The following DYNC2H1 variants were observed in gnomAD, a reference collection of about 807,000 sequenced individuals.
The protein encoded by DYNC2H1 is dynein cytoplasmic 2 heavy chain 1, also known as cytoplasmic dynein 2 heavy chain 1.
DYNC2H1 carries 410 observed loss-of-function variants against 570.0 expected under a neutral mutation model. That is an observed-to-expected ratio of 0.72 (90% CI 0.66 to 0.78). DYNC2H1 has a LOEUF of 0.78. DYNC2H1 is among the 30% of genes least tolerant of loss of function. The pLI, the probability that DYNC2H1 is intolerant of heterozygous loss-of-function variation, is 0.00. For missense variants in DYNC2H1, 4,865 were observed against 5,046.4 expected (o/e 0.96, Z 1.09); for synonymous variants, 1,688 against 1,677.6 (o/e 1.01, Z -0.15).
intron 83 of DYNC2H1, among the ~76,000 whole-genome samples, chr11:103,372,876 T>C (rs1941229513): frequency 6.6e-6 from 1 of 152,222 alleles, no homozygotes; most frequent in Non-Finnish European, 1.5e-5. Context: ...GGTCCTGAGC[T>C]GTTCTTTGAA....
chr11:103,217,635 A>C (rs1188677569), intron 55 of DYNC2H1, among the ~76,000 whole-genome samples: 1 of 152,180 alleles, frequency 6.6e-6, no homozygotes, highest in East Asian at 1.9e-4. Flanking sequence ...AAAACTTAGA[A>C]GAAAACACAG....
rs915210022 is a variant in DYNC2H1 at position 103,305,288 on chromosome 11, T to C, written c.11382+568T>C. On this transcript the variant is annotated intron_variant, in intron 77 of 88. Coordinates refer to ENST00000375735, the MANE Select transcript of DYNC2H1 (RefSeq NM_001377.3). This position sits in a 1 kb window ranked among gnomAD's most constrained non-coding sequence, Gnocchi z 4.3. ...GAAGAGATATTCCTTGAAAGTCAAA[T>C]AGGATTTTGCTAAGTATAGGCAAAG... 1.3e-5 allele frequency among the ~76,000 whole-genome samples: 2 copies of C among 152,146 alleles called. No homozygotes were observed. Among genetic ancestry groups the C allele is most frequent in the African/African-American group, 4.8e-5 (2 of 41,436 alleles).
At chr11:103,362,121 T>A (rs1386172752) in intron 83 of DYNC2H1, among the ~76,000 whole-genome samples, 1 of 152,108 alleles carries the variant, frequency 6.6e-6, no homozygotes, top group East Asian at 1.9e-4. Flanking sequence ...GGGCCCATTG[T>A]GTTTTTTTCT....
At chr11:103,405,181 T>C (rs578045127) in intron 84 of DYNC2H1, 3 of 151,960 alleles carry the variant, frequency 2.0e-5, no homozygotes, top group Non-Finnish European at 4.4e-5. Flanking sequence ...TTGCCTCCCC[T>C]AGCAGGGTCA....
intron 84 of DYNC2H1, among the ~76,000 whole-genome samples, chr11:103,419,376 A>T (rs1943402562): frequency 6.6e-6 from 1 of 152,176 alleles, no homozygotes; most frequent in African/African-American, 2.4e-5. Context: ...TCCTACAGGC[A>T]CATTTGGGCT....
chr11:103,156,574 T>A lies in DYNC2H1; in HGVS notation c.3931T>A (p.Ser1311Thr). ...QVGDNRCLLQ[S>T]LKDSPYYKGF... is the part of the protein sequence containing the mutation. ...TGGAGATAATAGATGCCTTCTCCAATCCTTAAAGGATTCTCCTTATTATAA... is the reference window on the plus strand; with the variant it reads ...TGGAGATAATAGATGCCTTCTCCAAACCTTAAAGGATTCTCCTTATTATAA... The change falls in exon 26 of 89, where the codon TCC (serine) becomes ACC (threonine). Residue 1311 changes from serine to threonine, a missense_variant. Physicochemically the swap from Ser to Thr is moderately conservative, Grantham distance 58. Coordinates refer to ENST00000375735, the MANE Select transcript of DYNC2H1 (RefSeq NM_001377.3). The A allele has an allele frequency of 6.2e-7, 1 of 1,613,658 alleles. No individual in the cohort carries two copies. Among genetic ancestry groups the A allele is most frequent in the Non-Finnish European group, 8.5e-7 (1 of 1,179,674 alleles).
rs571403490 is a variant in DYNC2H1, at chr11:103,368,962, C to A, written c.12156+10603C>A. On this transcript the variant is annotated intron_variant, in intron 83 of 88. Transcript: ENST00000375735. ...CCCCTCTACCAACCCTGCAAGGATA[C>A]CAATTTAACTATCTGCACACACAAA... Among the ~76,000 whole-genome samples, 15 of 152,228 alleles carry A rather than the reference C, an allele frequency of 9.9e-5. 1 individual carries two copies. The East Asian group carries it at 2.9e-3, about 29-fold the overall frequency.
Position 103,200,096 on chromosome 11 carries a change from G to C in DYNC2H1, c.8139G>C (p.Glu2713Asp). Reference protein sequence around the residue: ...IEAQQVVLLLEDYQFVHPTFL... With the variant: ...IEAQQVVLLLDDYQFVHPTFL... ...CACAACAGGTAGTTTTACTTCTTGA[G>C]GATTACCAGTTTGTACATCCTACAT... The change falls in exon 50 of 89, where the codon GAG (glutamate) becomes GAC (aspartate). Residue 2713 changes from glutamate to aspartate, a missense_variant. Glu to Asp is a conservative substitution (Grantham distance 45). This residue lies in a region of DYNC2H1 where 2,401 missense variants were observed against 2,454.6 expected (regional missense o/e 0.98). Coordinates refer to ENST00000375735, the MANE Select transcript of DYNC2H1 (RefSeq NM_001377.3). 6.3e-7 allele frequency: 1 copy of C among 1,591,592 alleles called. No individual in the cohort carries two copies. Among genetic ancestry groups the C allele is most frequent in the Non-Finnish European group, 8.6e-7 (1 of 1,167,888 alleles).
chr11:103,172,767 CAT>C (rs2134974399), intron 34 of DYNC2H1, among the ~76,000 whole-genome samples: 1 of 152,014 alleles, frequency 6.6e-6, no homozygotes, highest in African/African-American at 2.4e-5. Context: ...TTTTAGTAAA[CAT>C]ATATTTAATG....
intron 88 of DYNC2H1, among the ~76,000 whole-genome samples, chr11:103,477,380 C>G (rs1291727874): frequency 6.6e-6 from 1 of 152,030 alleles, no homozygotes; most frequent in Non-Finnish European, 1.5e-5. Context: ...AGTTCCATTC[C>G]AACTCTGCAA....
intron 84 of DYNC2H1, among the ~76,000 whole-genome samples, chr11:103,418,054 G>C (rs541923732): frequency 2.0e-5 from 3 of 151,424 alleles, no homozygotes; most frequent in African/African-American, 7.3e-5. Context: ...AGATGAAAGG[G>C]CATCTATGAA....
chr11:103,312,340 A>G (rs1202113354), intron 79 of DYNC2H1, among the ~76,000 whole-genome samples: 6 of 145,936 alleles, frequency 4.1e-5, no homozygotes, highest in Non-Finnish European at 8.9e-5. Context: ...AGATTGTGCC[A>G]TTGCACTCCA....
At position 103,203,496 on chromosome 11, in the gene DYNC2H1, A is replaced by C. The variant is rs1354422184; in HGVS notation, c.8198-167A>C. The stretch of plus-strand genomic sequence containing the variant: ...TTGAGTGGTTTGCTTAGGTGTTTGA[A>C]TTTTATCAAATGAGGGCTATAGATA... On this transcript the variant is annotated intron_variant, in intron 50 of 88. Transcript: ENST00000375735. This position sits in a 1 kb window ranked among gnomAD's most constrained non-coding sequence, Gnocchi z 4.7. Among the ~76,000 whole-genome samples the C allele has an allele frequency of 6.6e-6, 1 of 152,202 alleles. No individual in the cohort carries two copies. The highest frequency in any genetic ancestry group is 1.5e-5 in the Non-Finnish European group (1 of 68,024).
At chr11:103,147,937 C>A in intron 19 of DYNC2H1, 50 bp downstream of exon 19, 1 of 1,248,888 alleles carries the variant, frequency 8.0e-7, no homozygotes, top group Non-Finnish European at 1.1e-6. Flanking sequence ...TATGTAGAAG[C>A]ATGTACTTTG....
At chr11:103,274,906 TCAA>T (rs1865849118) in intron 70 of DYNC2H1, among the ~76,000 whole-genome samples, 1 of 151,894 alleles carries the variant, frequency 6.6e-6, no homozygotes, top group Non-Finnish European at 1.5e-5. Context: ...ACCAACCTGG[TCAA>T]CATGGCGAAA....
At position 103,187,451 on chromosome 11, in the gene DYNC2H1, C is replaced by T. The variant is rs888561119; in HGVS notation, c.7005C>T (p.Cys2335=). 1.9e-6 allele frequency: 3 copies of T among 1,613,184 alleles called. No individual in the cohort carries two copies. The African/African-American group carries it at 4.0e-5, about 22-fold the overall frequency. ...TCCTGCAGAAACTGAGCCAGACTTGCATGGTAATCAGTACTAATACTGGTC... is the reference window on the plus strand; with the variant it reads ...TCCTGCAGAAACTGAGCCAGACTTGTATGGTAATCAGTACTAATACTGGTC... ...RHLLQKLSQT[C]MVISTNTGRV... The change falls in exon 43 of 89, where the codon TGC becomes TGT. Residue 2335 remains cysteine (C), a synonymous_variant. Coordinates refer to ENST00000375735, the MANE Select transcript of DYNC2H1 (RefSeq NM_001377.3).
At position 103,177,896 on chromosome 11, in the gene DYNC2H1, T is replaced by A; in HGVS notation, c.6139+76T>A. 6.8e-7 allele frequency: 1 copy of A among 1,464,122 alleles called. No homozygotes were observed. Among genetic ancestry groups the A allele is most frequent in the Non-Finnish European group, 9.1e-7 (1 of 1,101,130 alleles). The allele number at this position is 1,464,122 out of a possible 1,614,324, so 90.7% of individuals were successfully genotyped here. A position where few individuals can be genotyped will look rare whatever the true frequency, so the allele number is the denominator to read the frequency against. ...GATATAATTTGTCTATAATGCTGTC[T>A]TTGTCAAGACTTCTACATGACCATA... On this transcript the variant is annotated intron_variant, in intron 38 of 88. Coordinates refer to ENST00000375735, the MANE Select transcript of DYNC2H1 (RefSeq NM_001377.3). The surrounding 1 kb of genome is among the most constrained non-coding windows in gnomAD (Gnocchi z 4.4).
chr11:103,334,611 A>G lies in DYNC2H1; in HGVS notation c.12039+10621A>G, dbSNP rs1489581295. Among the ~76,000 whole-genome samples, 5 of 152,124 alleles carry G rather than the reference A, an allele frequency of 3.3e-5. No homozygotes were observed. The highest frequency in any genetic ancestry group is 4.8e-5 in the African/African-American group (2 of 41,448). On this transcript the variant is annotated intron_variant, in intron 82 of 88. Transcript: ENST00000375735. The surrounding 1 kb of genome is among the most constrained non-coding windows in gnomAD (Gnocchi z 4.3). The stretch of plus-strand genomic sequence containing the variant: ...TATCTAATATGTAACATCAATATAA[A>G]TAACATATAAATACGTGTCTTAAAT...
chr11:103,220,414 A>C (rs1228983090), intron 56 of DYNC2H1, among the ~76,000 whole-genome samples: 1 of 152,190 alleles, frequency 6.6e-6, no homozygotes, highest in African/African-American at 2.4e-5. Context: ...AAATTAGGTT[A>C]TTGCAGTTGT....
Sources: gnomAD v4.1 joint callset for allele counts (sites outside exome capture counted in the v4.1 genomes callset) on GRCh38, gnomAD v4.1.1 for gene constraint, gnomAD v4.1.1 regional missense constraint, Gnocchi (gnomAD v3.1) non-coding constraint, MANE v1.5 for transcripts, NCBI Gene and HGNC (gene_info 2026-07-23, HGNC 2026-07-21) for gene names.